The following CASQ2 variants were observed in gnomAD, a reference collection of about 807,000 sequenced individuals.
The protein encoded by CASQ2 is calsequestrin-2.
CASQ2 carries 49 observed loss-of-function variants against 46.5 expected under a neutral mutation model. That is an observed-to-expected ratio of 1.05 (90% confidence interval 0.84 to 1.34). CASQ2 has a LOEUF of 1.34. Among genes scored for constraint, CASQ2 ranks in the 40% most tolerant of loss-of-function variants. The probability of loss-of-function intolerance (pLI) is 0.00; values close to 1 mark genes in which losing one functional copy is unlikely to be tolerated. For synonymous variants in CASQ2, 174 were observed against 168.5 expected (o/e 1.03, Z -0.25); for missense variants, 486 against 481.3 (o/e 1.01, Z -0.09).
chr1:115,741,912 C>T (rs2101096856), intron 2 of CASQ2, among the ~76,000 whole-genome samples: 1 of 152,332 alleles, frequency 6.6e-6, no homozygotes, highest in Non-Finnish European at 1.5e-5. Flanking sequence ...TGCAGAACGT[C>T]CAGGGACAGG....
rs573832435 is a variant in CASQ2 at position 115,738,432 on chromosome 1, T to C, written c.421-97A>G. Reference sequence around the variant, plus strand: ...ATTGGAGGGAAGTTGTAGCGGACTTTGTGGTTGGTGCCTCAAATATCTATT... The same window carrying C: ...ATTGGAGGGAAGTTGTAGCGGACTTCGTGGTTGGTGCCTCAAATATCTATT... On this transcript the variant is annotated intron_variant, in intron 3 of 10. Transcript: ENST00000261448. 2.8e-5 allele frequency: 23 copies of C among 828,430 alleles called. No homozygotes were observed. In the African/African-American group the frequency reaches 3.8e-4, roughly 14 times the overall value. 51.3% of individuals were successfully genotyped at this position (828,430 alleles called of 1,614,324 possible).
chr1:115,759,032 G>T (rs1434959114), intron 1 of CASQ2, among the ~76,000 whole-genome samples: 1 of 152,220 alleles, frequency 6.6e-6, no homozygotes, highest in Non-Finnish European at 1.5e-5. Context: ...TGCATGGAAA[G>T]TGTGATTTAC....
rs1220924184 is a variant in CASQ2 at position 115,714,776 on chromosome 1, C to A, written c.838+3064G>T. Among the ~76,000 whole-genome samples, 3 of 152,218 alleles carry A rather than the reference C, an allele frequency of 2.0e-5. No individual in the cohort carries two copies. In the East Asian group the frequency reaches 5.8e-4, roughly 29 times the overall value. On this transcript the variant is annotated intron_variant, in intron 8 of 10. Coordinates refer to ENST00000261448, the MANE Select transcript of CASQ2 (RefSeq NM_001232.4). ...TTTCCCAACCCTGAGTGGCAAGGCC[C>A]TTGCTCACAGAAGATGCTTCTAGAG...
chr1:115,708,920 G>T (rs1426916813), intron 8 of CASQ2, among the ~76,000 whole-genome samples: 1 of 152,210 alleles, frequency 6.6e-6, no homozygotes, highest in Non-Finnish European at 1.5e-5. Flanking sequence ...GTGACCAAAG[G>T]CTTCAGGGAT....
chr1:115,732,960 CA>C lies in CASQ2; in HGVS notation c.546del (p.Phe182LeufsTer28), dbSNP rs763955301. ...KSEDSEYYKA[F>X]EEAAEHFQPY... The stretch of plus-strand genomic sequence containing the variant: ...GGCTGGAAGTGTTCAGCTGCTTCTT[CA>C]AAAGCCTTGTAGTCTAAGGGGAAAA... On this transcript the variant is annotated frameshift_variant, in exon 5 of 11. Coordinates refer to ENST00000261448, the MANE Select transcript of CASQ2 (RefSeq NM_001232.4). LOFTEE classifies it high-confidence loss of function. The C allele has an allele frequency of 1.4e-5, 23 of 1,613,230 alleles. No individual in the cohort carries two copies. Among genetic ancestry groups the C allele is most frequent in the Non-Finnish European group, 2.0e-5 (23 of 1,179,446 alleles).
At chr1:115,729,035 C>CTTTTTTTTTTT (rs753965730) in intron 5 of CASQ2, among the ~76,000 whole-genome samples, 6 of 68,862 alleles carry the variant, frequency 8.7e-5, no homozygotes, top group Admixed American at 1.7e-4. Flanking sequence ...CTCTTTCATT[C>CTTTTTTTTTTT]TTTTTTTTTT....
intron 1 of CASQ2, among the ~76,000 whole-genome samples, chr1:115,761,426 GA>G (rs1373771104): frequency 5.0e-4 from 1 of 1,994 alleles, no homozygotes; most frequent in Non-Finnish European, 8.0e-4. Flanking sequence ...AGAAGAAGAA[GA>G]AGAAGAAGAA....
chr1:115,741,940 T>C (rs551188580), intron 2 of CASQ2, among the ~76,000 whole-genome samples: 1 of 152,328 alleles, frequency 6.6e-6, no homozygotes, highest in Admixed American at 6.5e-5. Flanking sequence ...GACTGCAGCC[T>C]GCTGTGTCCC....
chr1:115,760,049 A>C (rs1257624285), intron 1 of CASQ2, among the ~76,000 whole-genome samples: 1 of 152,174 alleles, frequency 6.6e-6, no homozygotes, highest in African/African-American at 2.4e-5. Context: ...TGATTGTGTG[A>C]GTGATGGGTC....
chr1:115,749,443 A>G (rs539229594), intron 1 of CASQ2, among the ~76,000 whole-genome samples: 63 of 152,304 alleles, frequency 4.1e-4, no homozygotes, highest in African/African-American at 1.5e-3. Context: ...AATACAGCCA[A>G]TCACTGTCCT....
chr1:115,743,419 T>C (rs545178536), intron 2 of CASQ2, among the ~76,000 whole-genome samples: 3 of 152,160 alleles, frequency 2.0e-5, no homozygotes, highest in African/African-American at 4.8e-5. Flanking sequence ...AATTTTTAAA[T>C]TTTTTGTAGA....
intron 4 of CASQ2, among the ~76,000 whole-genome samples, chr1:115,734,855 G>T (rs1422835215): frequency 2.6e-5 from 4 of 152,192 alleles, no homozygotes; most frequent in Admixed American, 6.5e-5. Flanking sequence ...GAAATGCTTG[G>T]AATAATATCA....
intron 4 of CASQ2, among the ~76,000 whole-genome samples, chr1:115,733,271 C>T (rs190719296): frequency 2.6e-5 from 4 of 152,064 alleles, no homozygotes; most frequent in South Asian, 2.1e-4. Flanking sequence ...GAAAAAGACG[C>T]GTAAAACTCC....
chr1:115,767,729 C>T (rs149171534), intron 1 of CASQ2, among the ~76,000 whole-genome samples: 1 of 152,174 alleles, frequency 6.6e-6, no homozygotes, highest in Non-Finnish European at 1.5e-5. Flanking sequence ...ACACCAAGAA[C>T]TTTCTGAGAA....
intron 8 of CASQ2, among the ~76,000 whole-genome samples, chr1:115,714,039 C>T (rs1470867973): frequency 2.6e-5 from 4 of 152,154 alleles, no homozygotes; most frequent in African/African-American, 7.2e-5. Flanking sequence ...GACGTATATG[C>T]CACTCAGAGT....
At chr1:115,713,885 C>A (rs116640427) in intron 8 of CASQ2, among the ~76,000 whole-genome samples, 233 of 152,296 alleles carry the variant, frequency 1.5e-3, no homozygotes, top group African/African-American at 5.4e-3. Context: ...ATTCCTATAA[C>A]CCTGTGATCC....
chr1:115,739,124 C>CTTTTTTATTTTTTTTTTTT, intron 3 of CASQ2, among the ~76,000 whole-genome samples: 1 of 99,522 alleles, frequency 1.0e-5, no homozygotes, highest in Non-Finnish European at 2.2e-5. Context: ...TCTTTTCTTT[C>CTTTTTTATTTTTTTTTTTT]TTTTTGAGAT....
chr1:115,766,166 G>T (rs1175473437), intron 1 of CASQ2, among the ~76,000 whole-genome samples: 1 of 152,104 alleles, frequency 6.6e-6, no homozygotes, highest in Non-Finnish European at 1.5e-5. Context: ...ATCAGACCCG[G>T]GTCCAGAGGC....
At position 115,750,340 on chromosome 1, in the gene CASQ2, T is replaced by C. The variant is rs12059734; in HGVS notation, c.235-5428A>G. On this transcript the variant is annotated intron_variant, in intron 1 of 10. Transcript: ENST00000261448. ...TTTGTTTGGTCAGTTACCTCTCAGA[T>C]AGTCCATCCTAGTGAATGGGGTTGT... Among the ~76,000 whole-genome samples, 1,029 of 152,364 alleles carry C rather than the reference T, an allele frequency of 6.8e-3. 19 individuals are homozygous for C. Among genetic ancestry groups the C allele is most frequent in the African/African-American group, 0.023 (974 of 41,578 alleles).
Sources: gnomAD v4.1 joint callset for allele counts (sites outside exome capture counted in the v4.1 genomes callset) on GRCh38, gnomAD v4.1.1 for gene constraint, MANE v1.5 for transcripts, NCBI Gene and HGNC (gene_info 2026-07-23, HGNC 2026-07-21) for gene names.